Variants in DOCK5 observed in about 807,000 individuals in gnomAD.
DOCK5 encodes the protein dedicator of cytokinesis protein 5.
Under a neutral mutation model 251.8 loss-of-function variants are expected in DOCK5, and 142 were observed. The observed-to-expected ratio is 0.56, with a 90% CI of 0.49 to 0.65. The LOEUF (loss-of-function observed/expected upper bound fraction) is 0.65, where lower values mean the gene tolerates loss of function less well. Ranked by LOEUF, DOCK5 falls within the 30% of genes least tolerant of loss-of-function variation. DOCK5 has a pLI of 0.00. For missense variants in DOCK5, 2,111 were observed against 2,312.3 expected, an observed-to-expected ratio of 0.91 and a Z score of 1.79; for synonymous variants, 842 against 835.5, an observed-to-expected ratio of 1.01 and a Z score of -0.13.
At chr8:25,368,917 T>G (rs569612733) in intron 33 of DOCK5, among the ~76,000 whole-genome samples, 192 bp downstream of exon 33, 1 of 152,334 alleles carries the variant, frequency 6.6e-6, no homozygotes, top group Non-Finnish European at 1.5e-5. Flanking sequence ...TGGAAAAGAT[T>G]TTTTTGCTAC....
intron 25 of DOCK5, 170 bp from the exon 26 acceptor site, chr8:25,345,305 C>T: frequency 3.0e-6 from 2 of 676,538 alleles, no homozygotes; most frequent in Non-Finnish European, 2.3e-6. Flanking sequence ...GGGTAAAGTT[C>T]CGTGCCTAAA....
chr8:25,275,503 T>C lies in DOCK5; in HGVS notation c.224+62T>C, dbSNP rs1387622385. The stretch of plus-strand genomic sequence containing the variant: ...GAAGATGTAACATTATCATTAATGA[T>C]AATCTTTAGGCATTAATGCCTTATG... On this transcript the variant is annotated intron_variant, in intron 4 of 51. Coordinates refer to ENST00000276440, the MANE Select transcript of DOCK5 (RefSeq NM_024940.8). 8 of 1,495,152 alleles carry C rather than the reference T, an allele frequency of 5.4e-6. No individual in the cohort carries two copies. In the East Asian group the frequency reaches 1.4e-4, roughly 25 times the overall value. The allele number at this position is 1,495,152 out of a possible 1,614,324, so 92.6% of individuals were successfully genotyped here. A position where few individuals can be genotyped will look rare whatever the true frequency, so the allele number is the denominator to read the frequency against.
intron 37 of DOCK5, chr8:25,375,062 A>G: frequency 1.1e-6 from 1 of 898,148 alleles, no homozygotes; most frequent in Non-Finnish European, 1.4e-6. Context: ...TTAGATATAA[A>G]TACATCTATA....
intron 3 of DOCK5, among the ~76,000 whole-genome samples, chr8:25,272,927 C>T (rs766588621): frequency 1.6e-4 from 25 of 152,164 alleles, no homozygotes; most frequent in Admixed American, 5.2e-4. Context: ...ATGAATTTGA[C>T]TACTCCAGGT....
rs1801640008 is a variant in DOCK5 at position 25,412,062 on chromosome 8, C to T, written c.*764C>T. On this transcript the variant is annotated 3_prime_UTR_variant, in exon 52 of 52. Coordinates refer to ENST00000276440, the MANE Select transcript of DOCK5 (RefSeq NM_024940.8). ...CCCTACGGACTTCTTTGAAGCTCTT[C>T]CTTTTGCACATACGGCTTTTTTTTT... is the stretch of plus-strand genomic sequence containing the variant. 7.0e-6 allele frequency: 1 copy of T among 141,914 alleles called. No homozygotes were observed. The allele number at this position is 141,914 out of a possible 1,614,324, so 8.8% of individuals were successfully genotyped here.
chr8:25,303,556 A>G (rs1365331935), intron 10 of DOCK5, among the ~76,000 whole-genome samples: 5 of 152,180 alleles, frequency 3.3e-5, no homozygotes, highest in Admixed American at 3.3e-4. Flanking sequence ...CCTTACATTG[A>G]CATTTTGGTT....
intron 22 of DOCK5, among the ~76,000 whole-genome samples, chr8:25,337,313 T>C (rs986076732): frequency 6.6e-5 from 10 of 152,014 alleles, no homozygotes; most frequent in Non-Finnish European, 1.2e-4. Flanking sequence ...CTTGATGAGA[T>C]TGGGCAAAAA....
At chr8:25,288,662 A>C (rs2117145840) in intron 5 of DOCK5, among the ~76,000 whole-genome samples, 1 of 152,346 alleles carries the variant, frequency 6.6e-6, no homozygotes, top group East Asian at 1.9e-4. Context: ...AAGTGGACAA[A>C]TGCGTTGCAA....
At position 25,292,183 on chromosome 8, in the gene DOCK5, C is replaced by G. The variant is rs1804509137; in HGVS notation, c.470+11C>G. On this transcript the variant is annotated intron_variant, in intron 6 of 51. Transcript: ENST00000276440. ...TGATCATGGGAACAGGTAGGTAAAC[C>G]AGGGATGGCTTTTCACTGAAAACTT... 6.4e-7 allele frequency: 1 copy of G among 1,553,842 alleles called. No homozygotes were observed. The highest frequency in any genetic ancestry group is 8.7e-7 in the Non-Finnish European group (1 of 1,150,674).
chr8:25,385,324 AT>A (rs1801146258), intron 40 of DOCK5, among the ~76,000 whole-genome samples: 1 of 152,160 alleles, frequency 6.6e-6, no homozygotes, highest in South Asian at 2.1e-4. Context: ...ACCATTGCAG[AT>A]GTTCAGAAAA....
chr8:25,292,246 T>A (rs1264913028), intron 6 of DOCK5, 74 bp downstream of exon 6: 1 of 1,415,644 alleles, frequency 7.1e-7, no homozygotes, highest in African/African-American at 1.4e-5. Context: ...TGACACTGTT[T>A]GCAGCGACCT....
At chr8:25,392,011 T>G in intron 43 of DOCK5, 31 bp downstream of exon 43, 1 of 1,604,346 alleles carries the variant, frequency 6.2e-7, no homozygotes, top group Non-Finnish European at 8.5e-7. Flanking sequence ...CTTTAAGAGG[T>G]AAAATTAACG....
chr8:25,240,490 A>G (rs1386237153), intron 1 of DOCK5, among the ~76,000 whole-genome samples: 5 of 152,136 alleles, frequency 3.3e-5, no homozygotes, highest in South Asian at 2.1e-4. Flanking sequence ...CAGGCAACCA[A>G]TAATCTCCTA....
chr8:25,373,776 T>A, intron 36 of DOCK5, 118 bp downstream of exon 36: 1 of 909,890 alleles, frequency 1.1e-6, no homozygotes, highest in Non-Finnish European at 1.7e-6. Flanking sequence ...CCCCTAAAAG[T>A]ACATGATACG....
At chr8:25,290,203 A>T (rs1005917111) in intron 5 of DOCK5, among the ~76,000 whole-genome samples, 5 of 152,170 alleles carry the variant, frequency 3.3e-5, no homozygotes, top group African/African-American at 1.2e-4. Flanking sequence ...TAAAATGAAG[A>T]CATCAATCAT....
At position 25,408,201 on chromosome 8, in the gene DOCK5, C is replaced by G. The variant is rs1040071475; in HGVS notation, c.5265+47C>G. On this transcript the variant is annotated intron_variant, in intron 49 of 51. Transcript: ENST00000276440. ...AAGAAATCTCTGGAGGCTTGCCCCC[C>G]TCTCCCCTGTACCCAGGCATATCAC... 29 of 1,527,296 alleles carry G rather than the reference C, an allele frequency of 1.9e-5. No individual in the cohort carries two copies. In the Admixed American group the frequency reaches 2.7e-4, roughly 14 times the overall value. 94.6% of individuals were successfully genotyped at this position (1,527,296 alleles called of 1,614,324 possible). A position where few individuals can be genotyped will look rare whatever the true frequency, so the allele number is the denominator to read the frequency against.
At chr8:25,362,559 T>C (rs1360383867) in intron 28 of DOCK5, among the ~76,000 whole-genome samples, 6 of 147,814 alleles carry the variant, frequency 4.1e-5, no homozygotes, top group Non-Finnish European at 5.9e-5. Flanking sequence ...CTCTGCCTCC[T>C]GGGTTCAAGC....
intron 42 of DOCK5, among the ~76,000 whole-genome samples, chr8:25,391,407 G>A (rs1318997148): frequency 6.6e-6 from 1 of 151,906 alleles, no homozygotes; most frequent in African/African-American, 2.4e-5. Flanking sequence ...AGGCTGAGGC[G>A]GGTGGATCAC....
At chr8:25,346,944 G>A (rs886443227) in intron 26 of DOCK5, among the ~76,000 whole-genome samples, 3 of 152,096 alleles carry the variant, frequency 2.0e-5, no homozygotes, top group African/African-American at 7.2e-5. Context: ...TTTGCAGAAT[G>A]TGTTCACTCG....
Sources: gnomAD v4.1 joint callset for allele counts (sites outside exome capture counted in the v4.1 genomes callset) on GRCh38, gnomAD v4.1.1 for gene constraint, MANE v1.5 for transcripts, NCBI Gene and HGNC (gene_info 2026-07-23, HGNC 2026-07-21) for gene names.